DAAM2: variants seen among roughly 807,000 people sequenced by gnomAD.
DAAM2 encodes the protein dishevelled associated activator of morphogenesis 2.
Under a neutral mutation model 120.7 loss-of-function variants are expected in DAAM2, and 39 were observed. That is an observed-to-expected ratio of 0.32 (90% CI 0.25 to 0.42). DAAM2 has a LOEUF of 0.42. Ranked by LOEUF, DAAM2 falls within the 10% of genes least tolerant of loss-of-function variation. The probability of loss-of-function intolerance (pLI) is 1.00; values close to 1 mark genes in which losing one functional copy is unlikely to be tolerated. For missense variants in DAAM2, 1,283 were observed against 1,401.7 expected (o/e 0.92, Z 1.35); for synonymous variants, 488 against 524.9 (o/e 0.93, Z 0.96).
At chr6:39,853,570 G>A (rs532976254) in intron 1 of DAAM2, among the ~76,000 whole-genome samples, 4 of 152,320 alleles carry the variant, frequency 2.6e-5, no homozygotes, top group African/African-American at 7.2e-5. Context: ...AATCATGGCT[G>A]TAAACAGCCG....
At position 39,878,677 on chromosome 6, in the gene DAAM2, G is replaced by A. The variant is rs1764976304; in HGVS notation, c.1545+89G>A. On this transcript the variant is annotated intron_variant, in intron 13 of 24. Coordinates refer to ENST00000274867, the MANE Select transcript of DAAM2 (RefSeq NM_001201427.2). The surrounding 1 kb of genome is among the most constrained non-coding windows in gnomAD (Gnocchi z 5.0). ...CAGAGCAGGTGTCGGAGAGGCCAAG[G>A]ACCCCAGCATGAGGGAGAAGGGAGA... 2 of 1,358,182 alleles carry A rather than the reference G, an allele frequency of 1.5e-6. No individual in the cohort carries two copies. The highest frequency in any genetic ancestry group is 1.4e-5 in the South Asian group (1 of 69,868). The allele number at this position is 1,358,182 out of a possible 1,614,324, so 84.1% of individuals were successfully genotyped here. A position where few individuals can be genotyped will look rare whatever the true frequency, so the allele number is the denominator to read the frequency against.
rs140310466 is a variant in DAAM2, at chr6:39,860,405, A to G, written c.169-523A>G. Among the ~76,000 whole-genome samples, 567 of 152,306 alleles carry G rather than the reference A, an allele frequency of 3.7e-3. 3 individuals carry two copies. Among genetic ancestry groups the G allele is most frequent in the African/African-American group, 0.013 (548 of 41,556 alleles). Reference sequence around the variant, plus strand: ...CTCTCTCCAGCCTGTGCTAGGGCCTATGCTGAGTGTGGGGGAGCCAGAGAA... The same window carrying G: ...CTCTCTCCAGCCTGTGCTAGGGCCTGTGCTGAGTGTGGGGGAGCCAGAGAA... On this transcript the variant is annotated intron_variant, in intron 2 of 24. Coordinates refer to ENST00000274867, the MANE Select transcript of DAAM2 (RefSeq NM_001201427.2).
chr6:39,866,631 CA>C (rs1375303759), intron 5 of DAAM2, among the ~76,000 whole-genome samples: 3 of 152,180 alleles, frequency 2.0e-5, no homozygotes, highest in African/African-American at 7.2e-5. Context: ...CATAACAAAT[CA>C]ATGAAAATAC....
At chr6:39,815,381 C>G (rs932711147) in intron 1 of DAAM2, among the ~76,000 whole-genome samples, 1 of 152,202 alleles carries the variant, frequency 6.6e-6, no homozygotes, top group Non-Finnish European at 1.5e-5. Context: ...AATTCTGTCT[C>G]TAAGGCTCAC....
chr6:39,868,997 A>T lies in DAAM2; in HGVS notation c.873+64A>T, dbSNP rs77814191. The T allele has an allele frequency of 1.6e-3, 1,864 of 1,179,180 alleles. 19 individuals are homozygous for T. The African/African-American group carries it at 0.025, about 16-fold the overall frequency. 73.0% of individuals were successfully genotyped at this position (1,179,180 alleles called of 1,614,324 possible). A position where few individuals can be genotyped will look rare whatever the true frequency, so the allele number is the denominator to read the frequency against. ...TTCTGGACCTGGGGTAGAGTGTGTG[A>T]GTGTGTTGCTTCCCCAATAATTGTT... On this transcript the variant is annotated intron_variant, in intron 7 of 24. Transcript: ENST00000274867.
At chr6:39,864,564 T>C (rs1057082851) in intron 4 of DAAM2, 57 bp downstream of exon 4, 2 of 1,410,936 alleles carry the variant, frequency 1.4e-6, no homozygotes, top group East Asian at 4.9e-5. Context: ...CGGCAGGGAG[T>C]GATTCCCCCA....
chr6:39,836,248 A>T (rs1763099040), intron 1 of DAAM2, among the ~76,000 whole-genome samples: 1 of 152,080 alleles, frequency 6.6e-6, no homozygotes, highest in African/African-American at 2.4e-5. Flanking sequence ...GACTTAGTTC[A>T]TTCATACTTT....
chr6:39,860,902 C>G, intron 2 of DAAM2, 26 bp from the exon 3 acceptor site: 3 of 1,581,310 alleles, frequency 1.9e-6, no homozygotes, highest in Non-Finnish European at 2.6e-6. Context: ...TAGTGTCAGA[C>G]GTATTTTTTC....
chr6:39,848,631 C>T (rs1037214249), intron 1 of DAAM2: 8 of 152,086 alleles, frequency 5.3e-5, no homozygotes, highest in Admixed American at 3.3e-4. Flanking sequence ...ACTCAGAGGC[C>T]GAGATAATTT....
chr6:39,898,960 C>T (rs375417439), intron 22 of DAAM2, 23 bp downstream of exon 22: 1 of 1,596,590 alleles, frequency 6.3e-7, no homozygotes, highest in Admixed American at 1.7e-5. Context: ...TCAGTGCCTA[C>T]CTGGGTGAGG....
At position 39,903,969 on chromosome 6, in the gene DAAM2, C is replaced by G. The variant is rs912568126; in HGVS notation, c.*1932C>G. On this transcript the variant is annotated 3_prime_UTR_variant, in exon 25 of 25. Transcript: ENST00000274867. ...ATATGCATCTGCAGCCCCAAGAGCT[C>G]CCACTGCAAGACAAGTGTTGGGGAA... The G allele has an allele frequency of 7.7e-5, 27 of 348,842 alleles. 1 individual carries two copies. The highest frequency in any genetic ancestry group is 2.2e-5 in the Non-Finnish European group (4 of 178,692). 21.6% of individuals were successfully genotyped at this position (348,842 alleles called of 1,614,324 possible).
rs566474162 is a variant in DAAM2 at position 39,904,325 on chromosome 6, C to T, written c.*2288C>T. The T allele has an allele frequency of 2.2e-6, 1 of 456,584 alleles. No individual in the cohort carries two copies. Among genetic ancestry groups the T allele is most frequent in the Non-Finnish European group, 4.4e-6 (1 of 226,978 alleles). The allele number at this position is 456,584 out of a possible 1,614,324, so 28.3% of individuals were successfully genotyped here. ...TGGCCAGTGGCTCTGGTGCTAGATGCCACTGTAGCCAGATCTCCAACAGTG... is the reference window on the plus strand; with the variant it reads ...TGGCCAGTGGCTCTGGTGCTAGATGTCACTGTAGCCAGATCTCCAACAGTG... On this transcript the variant is annotated 3_prime_UTR_variant, in exon 25 of 25. Transcript: ENST00000274867.
chr6:39,900,063 C>A lies in DAAM2; in HGVS notation c.2680-14C>A. The stretch of plus-strand genomic sequence containing the variant: ...TGGCACCAGTCTAAGCAGCACTTCA[C>A]CCTCCCTCCTCAGGAGCTGGAGTAT... On this transcript the variant is annotated splice_polypyrimidine_tract_variant and intron_variant, in intron 22 of 24. Transcript: ENST00000274867. 2 of 1,598,674 alleles carry A rather than the reference C, an allele frequency of 1.3e-6. No homozygotes were observed. The highest frequency in any genetic ancestry group is 1.7e-6 in the Non-Finnish European group (2 of 1,172,792).
chr6:39,823,958 C>G (rs963973807), intron 1 of DAAM2, among the ~76,000 whole-genome samples: 9 of 152,140 alleles, frequency 5.9e-5, no homozygotes, highest in African/African-American at 2.2e-4. Flanking sequence ...ATTGTATCTC[C>G]ACTCTCTGGT....
intron 1 of DAAM2, among the ~76,000 whole-genome samples, chr6:39,851,320 T>C (rs937503081): frequency 2.6e-5 from 4 of 152,206 alleles, no homozygotes; most frequent in Non-Finnish European, 4.4e-5. Flanking sequence ...CTATGTGACC[T>C]TAGGCAAGCT....
Position 39,871,532 on chromosome 6 carries a change from G to A in DAAM2, c.1004G>A (p.Arg335Gln), listed in dbSNP as rs200668867. ...DKHLDFFEMV[R>Q]NEDDLELARR... Reference sequence around the variant, plus strand: ...CATTTAGACTTCTTCGAGATGGTGCGGAATGAGGATGACCTGGAGCTAGCC... The same window carrying A: ...CATTTAGACTTCTTCGAGATGGTGCAGAATGAGGATGACCTGGAGCTAGCC... The change falls in exon 9 of 25, where the codon CGG (arginine) becomes CAG (glutamine). Residue 335 changes from arginine (R) to glutamine (Q), a missense_variant. Arg to Gln is a conservative substitution (Grantham distance 43). Around this residue, in one of 3 missense-constraint regions of DAAM2, gnomAD observed 338 missense variants for 443.9 expected, o/e 0.76. Coordinates refer to ENST00000274867, the MANE Select transcript of DAAM2 (RefSeq NM_001201427.2). The A allele has an allele frequency of 6.1e-4, 947 of 1,551,438 alleles. 1 individual carries two copies. Among genetic ancestry groups the A allele is most frequent in the Non-Finnish European group, 7.7e-4 (883 of 1,147,084 alleles).
chr6:39,850,878 T>C (rs1191595048), intron 1 of DAAM2, among the ~76,000 whole-genome samples: 2 of 152,128 alleles, frequency 1.3e-5, no homozygotes, highest in Non-Finnish European at 2.9e-5. Flanking sequence ...CCCAAAGCAA[T>C]AGCATTTTCC....
chr6:39,818,114 G>A (rs1762362589), intron 1 of DAAM2, among the ~76,000 whole-genome samples: 1 of 151,162 alleles, frequency 6.6e-6, no homozygotes, highest in Non-Finnish European at 1.5e-5. Context: ...GGGAGGTGGA[G>A]GCTGCAGCGA....
chr6:39,902,187 G>A lies in DAAM2; in HGVS notation c.*150G>A, dbSNP rs1766533841. ...TGGGGGGCTGTGTGTGGCTGGACCAGGTGTCTCCCCACGCTTACCTTAAGG... is the reference window on the plus strand; with the variant it reads ...TGGGGGGCTGTGTGTGGCTGGACCAAGTGTCTCCCCACGCTTACCTTAAGG... On this transcript the variant is annotated 3_prime_UTR_variant, in exon 25 of 25. Transcript: ENST00000274867. 8.6e-6 allele frequency: 5 copies of A among 578,100 alleles called. No individual in the cohort carries two copies. Among genetic ancestry groups the A allele is most frequent in the Non-Finnish European group, 1.5e-5 (5 of 340,962 alleles). 35.8% of individuals were successfully genotyped at this position (578,100 alleles called of 1,614,324 possible). A position where few individuals can be genotyped will look rare whatever the true frequency, so the allele number is the denominator to read the frequency against.
Sources: allele counts gnomAD v4.1 joint callset (sites outside exome capture counted in the v4.1 genomes callset), GRCh38; gene constraint gnomAD v4.1.1; regional missense constraint gnomAD v4.1.1; non-coding constraint Gnocchi (gnomAD v3.1); transcripts MANE v1.5; gene names NCBI Gene and HGNC (gene_info 2026-07-23, HGNC 2026-07-21).